Variants in NSMCE1 observed in about 807,000 individuals in gnomAD.
NSMCE1 encodes NSE1 component of SMC5/6 complex.
Under a neutral mutation model 29.6 loss-of-function variants are expected in NSMCE1, and 18 were observed. The observed-to-expected ratio is 0.61, with a 90% CI of 0.42 to 0.90. The LOEUF is 0.90. Among genes scored for constraint, NSMCE1 ranks in the 40% least tolerant of loss-of-function variants. The pLI, the probability that NSMCE1 is intolerant of heterozygous loss-of-function variation, is 0.00. For missense variants in NSMCE1, 314 were observed against 343.6 expected (o/e 0.91, Z 0.68); for synonymous variants, 124 against 133.4 (o/e 0.93, Z 0.49).
rs184386984 is a variant in NSMCE1 at position 27,268,141 on chromosome 16, A to T, written c.-12+565T>A. On this transcript the variant is annotated intron_variant, in intron 1 of 7. Transcript: ENST00000361439. ...CAGCCCCCTCTGAGGGTGAAACCTA[A>T]CATAGAACATAGGGACTTTACCTTT... is the stretch of plus-strand genomic sequence containing the variant. 4 of 152,308 alleles carry T rather than the reference A, an allele frequency of 2.6e-5. No homozygotes were observed. In the East Asian group the frequency reaches 7.7e-4, roughly 29 times the overall value. The allele number at this position is 152,308 out of a possible 1,614,324, so 9.4% of individuals were successfully genotyped here.
intron 5 of NSMCE1, among the ~76,000 whole-genome samples, chr16:27,228,016 C>G (rs1649621715): frequency 6.6e-6 from 1 of 152,112 alleles, no homozygotes; most frequent in Non-Finnish European, 1.5e-5. Context: ...AACTCCCGAC[C>G]TCAGGTGATC....
At chr16:27,226,695 C>T in intron 6 of NSMCE1, 25 bp downstream of exon 6, 2 of 1,480,606 alleles carry the variant, frequency 1.4e-6, no homozygotes, top group Middle Eastern at 1.7e-4. Context: ...CAGTGATGAG[C>T]TCCCGTGCCC....
intron 5 of NSMCE1, among the ~76,000 whole-genome samples, chr16:27,229,209 C>A (rs1161337104): frequency 6.6e-6 from 1 of 152,258 alleles, no homozygotes; most frequent in African/African-American, 2.4e-5. Flanking sequence ...GATGATCCTC[C>A]CACCCCAGGC....
At chr16:27,227,783 CTTTTTTTTT>C (rs1239133211) in intron 5 of NSMCE1, among the ~76,000 whole-genome samples, 3 of 65,972 alleles carry the variant, frequency 4.5e-5, no homozygotes, top group East Asian at 7.6e-4. Flanking sequence ...CTTTTCTTTT[CTTTTTTTTT>C]TTTTTTTTTT....
At chr16:27,245,687 T>C (rs1020591074) in intron 2 of NSMCE1, among the ~76,000 whole-genome samples, 2 of 152,236 alleles carry the variant, frequency 1.3e-5, no homozygotes, top group African/African-American at 2.4e-5. Flanking sequence ...CAATTCTGTA[T>C]GTTGAGAAAT....
chr16:27,251,191 A>ATATATATAAATAT (rs1555477411), intron 2 of NSMCE1, among the ~76,000 whole-genome samples: 1 of 32,354 alleles, frequency 3.1e-5, no homozygotes, highest in Admixed American at 2.9e-4. Context: ...TATATATATA[A>ATATATATAAATAT]ATATATATAT....
chr16:27,259,677 C>G (rs538941826), intron 1 of NSMCE1, among the ~76,000 whole-genome samples: 2 of 152,078 alleles, frequency 1.3e-5, no homozygotes, highest in African/African-American at 4.8e-5. Flanking sequence ...ACAAATGATA[C>G]GAATCACTGT....
intron 5 of NSMCE1, among the ~76,000 whole-genome samples, chr16:27,230,009 G>A (rs566943649): frequency 5.3e-5 from 8 of 152,300 alleles, no homozygotes; most frequent in African/African-American, 1.4e-4. Flanking sequence ...CAAAGACGAC[G>A]ACAGCCCAGG....
intron 1 of NSMCE1, among the ~76,000 whole-genome samples, chr16:27,265,021 C>G (rs148697865): frequency 3.9e-5 from 6 of 152,152 alleles, no homozygotes; most frequent in African/African-American, 1.2e-4. Flanking sequence ...AAAAGATGCT[C>G]AATCTCAATG....
chr16:27,250,261 C>T (rs547525242), intron 2 of NSMCE1, among the ~76,000 whole-genome samples: 3 of 152,200 alleles, frequency 2.0e-5, no homozygotes, highest in South Asian at 2.1e-4. Flanking sequence ...TTCTTTTTCT[C>T]GCCTCAGTAC....
chr16:27,226,612 G>A, intron 6 of NSMCE1, 108 bp downstream of exon 6: 1 of 695,058 alleles, frequency 1.4e-6, no homozygotes, highest in Non-Finnish European at 2.5e-6. Context: ...GGATGCGCCA[G>A]CAGTGCAGGA....
intron 2 of NSMCE1, 137 bp downstream of exon 2, chr16:27,257,298 C>T: frequency 1.7e-6 from 1 of 597,962 alleles, no homozygotes; most frequent in Non-Finnish European, 2.7e-6. Flanking sequence ...AAAGATGGGC[C>T]CGTGTAAGAT....
chr16:27,253,762 A>C (rs2084057834), intron 2 of NSMCE1, among the ~76,000 whole-genome samples: 1 of 152,218 alleles, frequency 6.6e-6, no homozygotes, highest in African/African-American at 2.4e-5. Flanking sequence ...ATTCTAGGGA[A>C]GCTTTGCTGG....
rs2083702223 is a variant in NSMCE1 at position 27,226,839 on chromosome 16, G to A, written c.484-3C>T. 1 of 1,599,482 alleles carries A rather than the reference G, an allele frequency of 6.3e-7. No homozygotes were observed. Among genetic ancestry groups the A allele is most frequent in the Non-Finnish European group, 8.6e-7 (1 of 1,166,948 alleles). On this transcript the variant is annotated splice_polypyrimidine_tract_variant and splice_region_variant and intron_variant, in intron 5 of 7. Transcript: ENST00000361439. ...TGCAGGGTGAACTCCCCTTCCTTCTGCAGGGACACACAGGAGGTGGCCACC... is the reference window on the plus strand; with the variant it reads ...TGCAGGGTGAACTCCCCTTCCTTCTACAGGGACACACAGGAGGTGGCCACC...
At chr16:27,267,892 C>T (rs2141015213) in intron 1 of NSMCE1, among the ~76,000 whole-genome samples, 1 of 152,180 alleles carries the variant, frequency 6.6e-6, no homozygotes, top group East Asian at 1.9e-4. Flanking sequence ...CAGGCACGCA[C>T]CACCACGCCC....
At chr16:27,263,384 T>C (rs1375368996) in intron 1 of NSMCE1, among the ~76,000 whole-genome samples, 3 of 152,208 alleles carry the variant, frequency 2.0e-5, no homozygotes, top group Non-Finnish European at 4.4e-5. Context: ...TGAGATGATG[T>C]CTTTTGCAGG....
rs1313260446 is a variant in NSMCE1, at chr16:27,232,110, C to T, written c.483+891G>A. ...AGACTTCCCCAACCCAGACGCGAGC[C>T]TTCCTGAAAAGGAAGCGGAGAATCG... On this transcript the variant is annotated intron_variant, in intron 5 of 7. Transcript: ENST00000361439. The surrounding 1 kb of genome is among the most constrained non-coding windows in gnomAD (Gnocchi z 4.5). Among the ~76,000 whole-genome samples the T allele has an allele frequency of 6.6e-6, 1 of 152,148 alleles. No homozygotes were observed. Among genetic ancestry groups the T allele is most frequent in the Non-Finnish European group, 1.5e-5 (1 of 68,038 alleles).
chr16:27,235,144 A>G, intron 3 of NSMCE1, 34 bp downstream of exon 3: 1 of 1,603,542 alleles, frequency 6.2e-7, no homozygotes, highest in African/African-American at 1.3e-5. Flanking sequence ...CAGCTCCTCA[A>G]AAATGCCACT....
At chr16:27,254,629 A>C (rs1274480238) in intron 2 of NSMCE1, among the ~76,000 whole-genome samples, 1 of 152,214 alleles carries the variant, frequency 6.6e-6, no homozygotes, top group East Asian at 1.9e-4. Context: ...TGTGTTGCCC[A>C]GGCTGGAGTG....
Sources: allele counts gnomAD v4.1 joint callset (sites outside exome capture counted in the v4.1 genomes callset), GRCh38; gene constraint gnomAD v4.1.1; non-coding constraint Gnocchi (gnomAD v3.1); transcripts MANE v1.5; gene names NCBI Gene and HGNC (gene_info 2026-07-23, HGNC 2026-07-21).